The following TMC4 variants were observed in gnomAD, a reference collection of about 807,000 sequenced individuals.
TMC4 encodes transmembrane channel like 4.
Under a neutral mutation model 82.0 loss-of-function variants are expected in TMC4, and 70 were observed. The observed-to-expected ratio is 0.85, with a 90% CI of 0.70 to 1.04. The LOEUF is 1.04. Ranked by LOEUF, TMC4 falls within the 50% of genes least tolerant of loss-of-function variation. The pLI, the probability that TMC4 is intolerant of heterozygous loss-of-function variation, is 0.00. For missense variants in TMC4, 879 were observed against 899.0 expected, an observed-to-expected ratio of 0.98 and a Z score of 0.28; for synonymous variants, 446 against 406.0, an observed-to-expected ratio of 1.10 and a Z score of -1.18.
At chr19:54,168,351 CA>C in intron 4 of TMC4, 59 bp from the exon 5 acceptor site, 1 of 1,535,424 alleles carries the variant, frequency 6.5e-7, no homozygotes, top group East Asian at 2.5e-5. Context: ...CCTGGAGCTG[CA>C]CAGTCAGGGT....
At chr19:54,169,459 A>G in intron 3 of TMC4, 53 bp downstream of exon 3, 2 of 1,523,198 alleles carry the variant, frequency 1.3e-6, no homozygotes, top group Admixed American at 2.0e-5. Context: ...CTCCTCCCTC[A>G]GACCCAGGAG....
In TMC4 at chr19:54,163,871, T is replaced by G; in HGVS notation, c.1130A>C (p.Gln377Pro). ...CCCAAGCTTCAGCAGTGGCAACTCC[T>G]GGACAAGGGGCATCTCCTGGGAGCG... is the stretch of plus-strand genomic sequence containing the variant. ...TVELQEMPLV[Q>P]ELPLLKLGVN... Residue 377 changes from glutamine (Q) to proline (P), a missense_variant, in exon 8 of 15, where the codon CAG becomes CCG. Transcript: ENST00000619895. The G allele has an allele frequency of 1.9e-6, 3 of 1,613,934 alleles. No individual in the cohort carries two copies. The highest frequency in any genetic ancestry group is 2.5e-6 in the Non-Finnish European group (3 of 1,179,974).
rs2075909362 is a variant in TMC4, at chr19:54,172,080, G to A, written c.83C>T (p.Pro28Leu). 1.3e-6 allele frequency: 2 copies of A among 1,581,654 alleles called. No individual in the cohort carries two copies. Among genetic ancestry groups the A allele is most frequent in the Non-Finnish European group, 1.7e-6 (2 of 1,161,330 alleles). Residue 28 changes from proline to leucine, a missense_variant, in exon 2 of 15, where the codon CCA becomes CTA. Pro to Leu is a moderately conservative substitution (Grantham distance 98). Coordinates refer to ENST00000619895, the MANE Select transcript of TMC4 (RefSeq NM_144686.4). ...CTCGTTCAGCACAGAAGACAGCGAT[G>A]GGCCTGGGGAGGAGCAGGGGGCTGG... ...WLAPREARGGPSLSSVLNELP... is the reference protein window; with the variant it reads ...WLAPREARGGLSLSSVLNELP...
At chr19:54,169,478 C>T in intron 3 of TMC4, 34 bp downstream of exon 3, 2 of 1,595,040 alleles carry the variant, frequency 1.3e-6, no homozygotes, top group Admixed American at 1.7e-5. Flanking sequence ...AGTCCAGGCC[C>T]TGCCCCCAGG....
In TMC4 at chr19:54,164,601, C is replaced by A. The variant is rs1234922122; in HGVS notation, c.946G>T (p.Val316Leu). ...CGCACCACTGTCTCCTCCAGCTCCA[C>A]CTGAAGGCAGGAGAGATGCCCGCTT... ...RQRIILYELK[V>L]ELEETVVRRQ... Residue 316 changes from valine (V) to leucine (L), a missense_variant and splice_region_variant, in exon 7 of 15, where the codon GTG becomes TTG. Coordinates refer to ENST00000619895, the MANE Select transcript of TMC4 (RefSeq NM_144686.4). 1.2e-6 allele frequency: 2 copies of A among 1,613,002 alleles called. No individual in the cohort carries two copies. Among genetic ancestry groups the A allele is most frequent in the East Asian group, 4.5e-5 (2 of 44,882 alleles).
chr19:54,163,246 C>T, intron 8 of TMC4, 87 bp from the exon 9 acceptor site: 2 of 1,522,794 alleles, frequency 1.3e-6, no homozygotes, highest in Non-Finnish European at 1.8e-6. Flanking sequence ...CCGCATTCAA[C>T]CCATCTCACA....
intron 3 of TMC4, 54 bp downstream of exon 3, chr19:54,169,458 C>A: frequency 6.4e-7 from 1 of 1,554,714 alleles, no homozygotes. Context: ...CCTCCTCCCT[C>A]AGACCCAGGA....
intron 5 of TMC4, among the ~76,000 whole-genome samples, chr19:54,165,980 G>A (rs888633906): frequency 3.3e-5 from 5 of 152,172 alleles, no homozygotes; most frequent in Non-Finnish European, 7.3e-5. Flanking sequence ...ACAAAAGATG[G>A]GGGTCAAAGA....
intron 5 of TMC4, among the ~76,000 whole-genome samples, chr19:54,166,365 AGGT>A (rs2075705993): frequency 6.7e-6 from 1 of 149,792 alleles, no homozygotes; most frequent in Non-Finnish European, 1.5e-5. Context: ...GAAGACGGGC[AGGT>A]AAAGAGACTC....
At chr19:54,167,613 C>CT (rs754706697) in intron 5 of TMC4, among the ~76,000 whole-genome samples, 112 of 136,726 alleles carry the variant, frequency 8.2e-4, no homozygotes, top group Middle Eastern at 3.8e-3. Context: ...AAACCTTGAT[C>CT]TTTTTTTTTT....
At position 54,160,455 on chromosome 19, in the gene TMC4, C is replaced by T. The variant is rs1042805898; in HGVS notation, c.2052+12G>A. ...TTCCCCAGGGGCCCTCTCAGGGACC[C>T]GCCTGGCTCACCGTCTCTCTCTGAC... On this transcript the variant is annotated intron_variant, in intron 14 of 14. Coordinates refer to ENST00000619895, the MANE Select transcript of TMC4 (RefSeq NM_144686.4). The T allele has an allele frequency of 2.5e-6, 4 of 1,612,860 alleles. No individual in the cohort carries two copies. Among genetic ancestry groups the T allele is most frequent in the Non-Finnish European group, 3.4e-6 (4 of 1,179,178 alleles).
At chr19:54,172,637 G>A (rs1210159578) in intron 1 of TMC4, 3 of 277,838 alleles carry the variant, frequency 1.1e-5, no homozygotes, top group Non-Finnish European at 2.0e-5. Context: ...CCAGGAGTCC[G>A]GGTGCCAGCC....
intron 5 of TMC4, 118 bp from the exon 6 acceptor site, chr19:54,165,684 G>A (rs1181026739): frequency 1.6e-6 from 2 of 1,219,702 alleles, no homozygotes; most frequent in Non-Finnish European, 1.1e-6. Context: ...TGGGTACTAG[G>A]CGAGTTCCCA....
chr19:54,173,013 T>A (rs372183913), intron 1 of TMC4, 26 bp downstream of exon 1: 2 of 1,604,638 alleles, frequency 1.2e-6, no homozygotes, highest in African/African-American at 1.3e-5. Context: ...GTCGGATGGA[T>A]CTGAGCTTCT....
chr19:54,172,088 G>A lies in TMC4; in HGVS notation c.80-5C>T. The A allele has an allele frequency of 6.4e-7, 1 of 1,564,254 alleles. No individual in the cohort carries two copies. ...GCACAGAAGACAGCGATGGGCCTGG[G>A]GAGGAGCAGGGGGCTGGGAAGACCC... On this transcript the variant is annotated splice_polypyrimidine_tract_variant and splice_region_variant and intron_variant, in intron 1 of 14. Coordinates refer to ENST00000619895, the MANE Select transcript of TMC4 (RefSeq NM_144686.4).
intron 8 of TMC4, 177 bp downstream of exon 8, chr19:54,163,547 C>T (rs373156119): frequency 2.0e-4 from 152 of 753,092 alleles, no homozygotes; most frequent in South Asian, 1.7e-3. Context: ...ACCTCAGCCT[C>T]GGCCTCCCAA....
chr19:54,167,171 G>A (rs1265521911), intron 5 of TMC4, among the ~76,000 whole-genome samples: 1 of 152,102 alleles, frequency 6.6e-6, no homozygotes, highest in Non-Finnish European at 1.5e-5. Flanking sequence ...GCTGAGGTAG[G>A]CGGATCAGTT....
chr19:54,162,019 C>T (rs2075566851), intron 11 of TMC4, 83 bp downstream of exon 11: 1 of 1,283,390 alleles, frequency 7.8e-7, no homozygotes, highest in Admixed American at 2.6e-5. Context: ...ATCCAGGCCC[C>T]CAGGATCTTC....
chr19:54,172,924 C>T (rs2075945733), intron 1 of TMC4, 115 bp downstream of exon 1: 2 of 867,390 alleles, frequency 2.3e-6, no homozygotes, highest in Non-Finnish European at 3.6e-6. Flanking sequence ...GGAAGTGGAA[C>T]CTTCTCTCTT....
Sources: allele counts gnomAD v4.1 joint callset (sites outside exome capture counted in the v4.1 genomes callset), GRCh38; gene constraint gnomAD v4.1.1; transcripts MANE v1.5; gene names NCBI Gene and HGNC (gene_info 2026-07-23, HGNC 2026-07-21).